SMARCA5: variants seen among roughly 807,000 people sequenced by gnomAD.
SMARCA5 encodes SNF2 related chromatin remodeling ATPase 5.
In SMARCA5, 18 loss-of-function variants were observed where a neutral mutation model predicts 140.4. That is an observed-to-expected ratio of 0.13 (90% CI 0.09 to 0.19). SMARCA5 has a LOEUF of 0.19. SMARCA5 is among the 10% of genes least tolerant of loss of function. The pLI is 1.00. For synonymous variants in SMARCA5, 449 were observed against 419.6 expected, an observed-to-expected ratio of 1.07 and a Z score of -0.86; for missense variants, 606 against 1,276.8, an observed-to-expected ratio of 0.47 and a Z score of 8.01.
At chr4:143,549,189 T>TC (rs1358923516) in intron 22 of SMARCA5, among the ~76,000 whole-genome samples, 1 of 152,048 alleles carries the variant, frequency 6.6e-6, no homozygotes, top group Non-Finnish European at 1.5e-5. Flanking sequence ...CTTAACATGT[T>TC]CCATGTTAAG....
In SMARCA5 at chr4:143,528,624, A is replaced by G. The variant is rs780782809; in HGVS notation, c.999A>G (p.Leu333=). 25 of 1,613,096 alleles carry G rather than the reference A, an allele frequency of 1.5e-5. No individual in the cohort carries two copies. The East Asian group carries it at 2.7e-4, about 17-fold the overall frequency. ...IVREFKTTNR[L]LLTGTPLQNN... ...GGGAATTCAAGACTACAAATAGACT[A>G]TTATTAACTGGAACACCTCTTCAGA... The change falls in exon 8 of 24, where the codon CTA becomes CTG. Residue 333 remains leucine, a synonymous_variant. Transcript: ENST00000283131.
At chr4:143,531,312 A>G (rs1737178408) in intron 9 of SMARCA5, among the ~76,000 whole-genome samples, 1 of 152,212 alleles carries the variant, frequency 6.6e-6, no homozygotes, top group Non-Finnish European at 1.5e-5. Flanking sequence ...GTTTCTACAT[A>G]CAGCTTCCTG....
intron 23 of SMARCA5, 68 bp from the exon 24 acceptor site, chr4:143,553,051 A>T: frequency 8.7e-7 from 1 of 1,145,114 alleles, no homozygotes; most frequent in Non-Finnish European, 1.3e-6. Flanking sequence ...AAGTGTTATA[A>T]TGTGTCTGCA....
At chr4:143,516,897 G>A (rs1018757851) in intron 1 of SMARCA5, among the ~76,000 whole-genome samples, 3 of 152,136 alleles carry the variant, frequency 2.0e-5, no homozygotes, top group Admixed American at 2.0e-4. Context: ...TAAAGTTTTT[G>A]TAATATTCCA....
intron 1 of SMARCA5, among the ~76,000 whole-genome samples, chr4:143,516,367 C>T (rs1736832274): frequency 6.6e-6 from 1 of 151,974 alleles, no homozygotes; most frequent in Non-Finnish European, 1.5e-5. Context: ...TGTGTTCATC[C>T]TCATCTCTAT....
Position 143,556,156 on chromosome 4 carries a change from A to T in SMARCA5, c.*2972A>T, listed in dbSNP as rs1737747874. 1 of 152,222 alleles carries T rather than the reference A, an allele frequency of 6.6e-6. No homozygotes were observed. Among genetic ancestry groups the T allele is most frequent in the African/African-American group, 2.4e-5 (1 of 41,450 alleles). 9.4% of individuals were successfully genotyped at this position (152,222 alleles called of 1,614,324 possible). A position where few individuals can be genotyped will look rare whatever the true frequency, so the allele number is the denominator to read the frequency against. On this transcript the variant is annotated 3_prime_UTR_variant, in exon 24 of 24. Transcript: ENST00000283131. ...CTGATAAGTATAATGCAAGTATTCT[A>T]AAGTCTGGAAAATGCTAAAAACACT...
At chr4:143,539,839 T>C (rs1359311694) in intron 13 of SMARCA5, among the ~76,000 whole-genome samples, 1 of 152,092 alleles carries the variant, frequency 6.6e-6, no homozygotes, top group Non-Finnish European at 1.5e-5. Flanking sequence ...ACCCAGCCCA[T>C]TAGTCACTTT....
Position 143,545,953 on chromosome 4 carries a change from C to G in SMARCA5, c.2426C>G (p.Ala809Gly). The change falls in exon 19 of 24, where the codon GCA becomes GGA. Residue 809 changes from alanine to glycine, a missense_variant. Physicochemically the swap from Ala to Gly is moderately conservative, Grantham distance 60 (BLOSUM62 0). Coordinates refer to ENST00000283131, the MANE Select transcript of SMARCA5 (RefSeq NM_003601.4). ...KVPRNPELPN[A>G]AQAQKEEQLK... ...CCTCGAAATCCTGAGCTGCCTAATG[C>G]AGCACAGGCACAAAAAGAAGAACAG... 6.2e-7 allele frequency: 1 copy of G among 1,608,050 alleles called. No homozygotes were observed.
At chr4:143,538,271 T>C (rs1737356001) in intron 11 of SMARCA5, among the ~76,000 whole-genome samples, 1 of 152,152 alleles carries the variant, frequency 6.6e-6, no homozygotes, top group Non-Finnish European at 1.5e-5. Context: ...TGAAGAGTTG[T>C]TGTGAAGTAG....
chr4:143,553,133 A>C lies in SMARCA5; in HGVS notation c.3108A>C (p.Lys1036Asn). 6.2e-7 allele frequency: 1 copy of C among 1,612,590 alleles called. No individual in the cohort carries two copies. Among genetic ancestry groups the C allele is most frequent in the Non-Finnish European group, 8.5e-7 (1 of 1,178,802 alleles). Reference protein sequence around the residue: ...RGPKPSTQKRKMDGAPDGRGR... With the variant: ...RGPKPSTQKRNMDGAPDGRGR... ...TCTGTTTGTAGACACAGAAACGTAAAATGGATGGCGCACCTGATGGTCGAG... is the reference window on the plus strand; with the variant it reads ...TCTGTTTGTAGACACAGAAACGTAACATGGATGGCGCACCTGATGGTCGAG... The change falls in exon 24 of 24, where the codon AAA becomes AAC. Residue 1036 changes from lysine (K) to asparagine (N), a missense_variant. By Grantham distance (94) the Lys-to-Asn change is moderately conservative. This residue lies in a region of SMARCA5 where 40 missense variants were observed against 59.8 expected (regional missense o/e 0.67). Transcript: ENST00000283131.
In SMARCA5 at chr4:143,543,909, T is replaced by C. The variant is rs772152448; in HGVS notation, c.2109T>C (p.Phe703=). The C allele has an allele frequency of 6.2e-7, 1 of 1,608,456 alleles. No homozygotes were observed. Among genetic ancestry groups the C allele is most frequent in the Non-Finnish European group, 8.5e-7 (1 of 1,176,238 alleles). Residue 703 remains phenylalanine, a synonymous_variant, in exon 16 of 24, where the codon TTT becomes TTC. Transcript: ENST00000283131. ...TGGGCGAAAGTTCACTTAGAAACTT[T>C]ACAATGGATACAGAGTCAAGTGTTT... ...SKMGESSLRN[F]TMDTESSVYN... is the part of the protein sequence containing the mutation.
intron 1 of SMARCA5, among the ~76,000 whole-genome samples, chr4:143,515,502 C>T (rs1736810009): frequency 6.6e-6 from 1 of 152,108 alleles, no homozygotes; most frequent in Non-Finnish European, 1.5e-5. Flanking sequence ...GTGCAGTTCT[C>T]TACAAAAATT....
At chr4:143,518,501 A>G (rs1025406797) in intron 2 of SMARCA5, among the ~76,000 whole-genome samples, 5 of 152,322 alleles carry the variant, frequency 3.3e-5, no homozygotes, top group African/African-American at 1.2e-4. Flanking sequence ...TACCCAGAAC[A>G]GTATCTGGCA....
chr4:143,544,159 T>G, intron 16 of SMARCA5, 187 bp downstream of exon 16: 1 of 367,660 alleles, frequency 2.7e-6, no homozygotes, highest in Non-Finnish European at 4.8e-6. Flanking sequence ...CTCTGAAATA[T>G]TTTTAAAGTT....
chr4:143,548,212 G>T, intron 22 of SMARCA5, 72 bp downstream of exon 22: 1 of 892,462 alleles, frequency 1.1e-6, no homozygotes, highest in Non-Finnish European at 1.7e-6. Flanking sequence ...ATTCTTTAAG[G>T]TGACTTTAAA....
intron 11 of SMARCA5, 56 bp downstream of exon 11, chr4:143,536,734 C>A: frequency 8.4e-7 from 1 of 1,195,332 alleles, no homozygotes; most frequent in Non-Finnish European, 1.2e-6. Flanking sequence ...CATGTTAAAA[C>A]AAAGGAGCAC....
In SMARCA5 at chr4:143,540,947, A is replaced by C. The variant is rs558267001; in HGVS notation, c.1903+452A>C. ...TATTCTTTTTTCTTGTCTGCAATTT[A>C]CTGAGTACCCACCAGATGCTAGGCA... On this transcript the variant is annotated intron_variant, in intron 14 of 23. Coordinates refer to ENST00000283131, the MANE Select transcript of SMARCA5 (RefSeq NM_003601.4). 5.9e-5 allele frequency among the ~76,000 whole-genome samples: 9 copies of C among 152,346 alleles called. No homozygotes were observed. In the South Asian group the frequency reaches 1.7e-3, roughly 28 times the overall value.
intron 14 of SMARCA5, 40 bp downstream of exon 14, chr4:143,540,535 A>G (rs1352716146): frequency 1.4e-5 from 22 of 1,571,490 alleles, no homozygotes; most frequent in Non-Finnish European, 1.8e-5. Context: ...AGTTGGATTG[A>G]CACAACCTGT....
chr4:143,514,055 C>T lies in SMARCA5; in HGVS notation c.131C>T (p.Ala44Val). The T allele has an allele frequency of 5.1e-6, 8 of 1,559,754 alleles. No homozygotes were observed. Among genetic ancestry groups the T allele is most frequent in the Non-Finnish European group, 6.9e-6 (8 of 1,161,460 alleles). The change falls in exon 1 of 24, where the codon GCG (alanine) becomes GTG (valine). Residue 44 changes from alanine (A) to valine (V), a missense_variant. Physicochemically the swap from Ala to Val is moderately conservative, Grantham distance 64. Transcript: ENST00000283131. Reference protein sequence around the residue: ...KGGPEGVAAQAVASAASAGPA... With the variant: ...KGGPEGVAAQVVASAASAGPA... ...GGCCCCGAAGGCGTCGCGGCGCAGG[C>T]GGTTGCGTCTGCGGCCAGCGCTGGT...
Sources: allele counts gnomAD v4.1 joint callset (sites outside exome capture counted in the v4.1 genomes callset), GRCh38; gene constraint gnomAD v4.1.1; regional missense constraint gnomAD v4.1.1; transcripts MANE v1.5; gene names NCBI Gene and HGNC (gene_info 2026-07-23, HGNC 2026-07-21).